The following NELL2 variants were observed in gnomAD, a reference collection of about 807,000 sequenced individuals.
NELL2 encodes the protein protein kinase C-binding protein NELL2.
A neutral mutation model predicts 109.6 loss-of-function variants in NELL2; 41 were observed. That is an observed-to-expected ratio of 0.37 (90% CI 0.29 to 0.49). The LOEUF is 0.49. Among genes scored for constraint, NELL2 ranks in the 20% least tolerant of loss-of-function variants. The probability of loss-of-function intolerance (pLI) is 0.98; values close to 1 mark genes in which losing one functional copy is unlikely to be tolerated. For synonymous variants in NELL2, 355 were observed against 344.7 expected, an observed-to-expected ratio of 1.03 and a Z score of -0.33; for missense variants, 900 against 1,008.3, an observed-to-expected ratio of 0.89 and a Z score of 1.45.
chr12:44,672,882 A>C (rs569601241), intron 12 of NELL2, among the ~76,000 whole-genome samples: 2 of 152,316 alleles, frequency 1.3e-5, no homozygotes, highest in South Asian at 4.1e-4. Flanking sequence ...TCTTTTATAG[A>C]TGTTTCCCTT....
intron 3 of NELL2, among the ~76,000 whole-genome samples, chr12:44,803,151 G>A (rs1434121886): frequency 6.6e-6 from 1 of 152,026 alleles, no homozygotes; most frequent in Non-Finnish European, 1.5e-5. Context: ...GACCCAGGGT[G>A]AGGCCCTACA....
In NELL2 at chr12:44,546,304, A is replaced by T. The variant is rs1397678073; in HGVS notation, c.1664-13583T>A. Among the ~76,000 whole-genome samples, 337 of 152,272 alleles carry T rather than the reference A, an allele frequency of 2.2e-3. 1 individual carries two copies. Among genetic ancestry groups the T allele is most frequent in the African/African-American group, 7.8e-3 (324 of 41,582 alleles). ...TAGCTTTGAGTGGGTCTTAACCAGA[A>T]AATTCACTGATGGATGGCTTCTACT... On this transcript the variant is annotated intron_variant, in intron 15 of 19. Transcript: ENST00000429094.
chr12:44,526,433 A>G (rs1008095877), intron 16 of NELL2, among the ~76,000 whole-genome samples: 10 of 152,214 alleles, frequency 6.6e-5, no homozygotes, highest in Non-Finnish European at 1.5e-4. Flanking sequence ...GAGACATAAT[A>G]CTGTTACATA....
At chr12:44,721,488 T>G (rs935805279) in intron 9 of NELL2, among the ~76,000 whole-genome samples, 2 of 152,292 alleles carry the variant, frequency 1.3e-5, no homozygotes, top group South Asian at 4.1e-4. Flanking sequence ...AAGGAAAAGT[T>G]TACATATTGT....
At position 44,779,945 on chromosome 12, in the gene NELL2, G is replaced by C; in HGVS notation, c.413C>G (p.Thr138Arg). ...HYRSGSHRPH[T>R]EVFPYILADD... Reference sequence around the variant, plus strand: ...AGCCAAAATGTAAGGAAACACTTCTGTGTGAGGGCGGTGACTGCCTGAGCG... The same window carrying C: ...AGCCAAAATGTAAGGAAACACTTCTCTGTGAGGGCGGTGACTGCCTGAGCG... The change falls in exon 4 of 20, where the codon ACA (threonine) becomes AGA (arginine). Residue 138 changes from threonine (T) to arginine (R), a missense_variant. Thr to Arg is a moderately conservative substitution (Grantham distance 71, BLOSUM62 -1). This residue lies in a region of NELL2 where 200 missense variants were observed against 191.8 expected (regional missense o/e 1.04). Transcript: ENST00000429094. The C allele has an allele frequency of 1.9e-6, 3 of 1,613,920 alleles. No individual in the cohort carries two copies. The highest frequency in any genetic ancestry group is 2.5e-6 in the Non-Finnish European group (3 of 1,179,814).
intron 2 of NELL2, among the ~76,000 whole-genome samples, chr12:44,863,869 T>A (rs528339687): frequency 1.3e-5 from 2 of 150,962 alleles, no homozygotes; most frequent in African/African-American, 4.9e-5. Context: ...TATGAAGGAA[T>A]ACATGATATA....
intron 15 of NELL2, among the ~76,000 whole-genome samples, chr12:44,582,353 T>C (rs904489609): frequency 1.5e-4 from 23 of 152,166 alleles, no homozygotes; most frequent in African/African-American, 5.3e-4. Flanking sequence ...AAAGATTACA[T>C]CTGACCCAGG....
intron 3 of NELL2, among the ~76,000 whole-genome samples, chr12:44,793,176 T>C (rs1264563061): frequency 6.6e-6 from 1 of 152,100 alleles, no homozygotes; most frequent in Non-Finnish European, 1.5e-5. Flanking sequence ...ATGAAGTAAA[T>C]TGATATTTTA....
chr12:44,784,553 CA>C (rs1942089798), intron 3 of NELL2, among the ~76,000 whole-genome samples: 1 of 152,066 alleles, frequency 6.6e-6, no homozygotes, highest in African/African-American at 2.4e-5. Flanking sequence ...ATCCTAATGC[CA>C]AAACCTGGCA....
At chr12:44,891,497 C>G (rs1272435537) in intron 1 of NELL2, among the ~76,000 whole-genome samples, 1 of 152,166 alleles carries the variant, frequency 6.6e-6, no homozygotes, top group Non-Finnish European at 1.5e-5. Context: ...GGGCCATGTT[C>G]CTTACAAGTT....
chr12:44,745,388 C>T (rs1940278133), intron 9 of NELL2, among the ~76,000 whole-genome samples: 1 of 152,076 alleles, frequency 6.6e-6, no homozygotes, highest in African/African-American at 2.4e-5. Flanking sequence ...TGAAAACTGG[C>T]ACAAGACAGG....
At chr12:44,723,388 A>C (rs142885228) in intron 9 of NELL2, among the ~76,000 whole-genome samples, 1 of 152,326 alleles carries the variant, frequency 6.6e-6, no homozygotes, top group African/African-American at 2.4e-5. Context: ...GATATTCAGT[A>C]GAAGCCTTTT....
chr12:44,623,527 C>T (rs1350119082), intron 13 of NELL2, among the ~76,000 whole-genome samples: 1 of 152,070 alleles, frequency 6.6e-6, no homozygotes, highest in Non-Finnish European at 1.5e-5. Flanking sequence ...CTAAATCTCA[C>T]TCAGAATCAT....
chr12:44,523,514 T>C (rs1941631909), intron 16 of NELL2, 30 bp from the exon 17 acceptor site: 1 of 1,602,980 alleles, frequency 6.2e-7, no homozygotes, highest in Non-Finnish European at 8.5e-7. Flanking sequence ...GCACTCAATG[T>C]GCTTAGAATA....
At chr12:44,639,668 A>G (rs544543240) in intron 13 of NELL2, among the ~76,000 whole-genome samples, 5 of 152,096 alleles carry the variant, frequency 3.3e-5, no homozygotes, top group Non-Finnish European at 5.9e-5. Context: ...AATTACCACC[A>G]TCTATTGTCC....
rs147195723 is a variant in NELL2, at chr12:44,597,887, A to G, written c.1663+9282T>C. Among the ~76,000 whole-genome samples, 208 of 152,316 alleles carry G rather than the reference A, an allele frequency of 1.4e-3. 1 individual carries two copies. Among genetic ancestry groups the G allele is most frequent in the African/African-American group, 4.5e-3 (186 of 41,580 alleles). On this transcript the variant is annotated intron_variant, in intron 15 of 19. Transcript: ENST00000429094. ...AGAGATCAGAATTAAGGATCTAGAA[A>G]TGTTGAGGGCTGAAAGCAGGACAAA... is the stretch of plus-strand genomic sequence containing the variant.
At chr12:44,792,664 T>A (rs896377816) in intron 3 of NELL2, among the ~76,000 whole-genome samples, 2 of 152,106 alleles carry the variant, frequency 1.3e-5, no homozygotes, top group Admixed American at 6.6e-5. Context: ...CTAGATGGAT[T>A]TTTCTTATTG....
chr12:44,534,515 C>G (rs1049432898), intron 15 of NELL2, among the ~76,000 whole-genome samples: 1 of 152,036 alleles, frequency 6.6e-6, no homozygotes, highest in Non-Finnish European at 1.5e-5. Flanking sequence ...TTTACTGAGG[C>G]CTCATAAGTT....
At position 44,903,369 on chromosome 12, in the gene NELL2, A is replaced by T. The variant is rs112580563; in HGVS notation, c.38+10430T>A. ...ATCTCATGCCAGTTAGAATGGCGTC[A>T]TTAAAAAGTCATGAAACAACAGATG... On this transcript the variant is annotated intron_variant, in intron 1 of 20. Coordinates refer to the NELL2 transcript ENST00000333837. Among the ~76,000 whole-genome samples, 257 of 152,314 alleles carry T rather than the reference A, an allele frequency of 1.7e-3. 1 individual carries two copies. Among genetic ancestry groups the T allele is most frequent in the African/African-American group, 5.8e-3 (243 of 41,578 alleles).
Sources: allele counts gnomAD v4.1 joint callset (sites outside exome capture counted in the v4.1 genomes callset), GRCh38; gene constraint gnomAD v4.1.1; regional missense constraint gnomAD v4.1.1; transcripts MANE v1.5; gene names NCBI Gene and HGNC (gene_info 2026-07-23, HGNC 2026-07-21).